Variants in TRPC7 observed in about 807,000 individuals in gnomAD.
TRPC7 encodes short transient receptor potential channel 7.
TRPC7 carries 42 observed loss-of-function variants against 90.1 expected under a neutral mutation model. The ratio of observed to expected loss-of-function variants is 0.47; its 90% CI spans 0.36 to 0.60. The LOEUF is 0.60. TRPC7 is among the 20% of genes least tolerant of loss of function. The probability of loss-of-function intolerance (pLI) is 0.00; values close to 1 mark genes in which losing one functional copy is unlikely to be tolerated. For missense variants in TRPC7, 955 were observed against 1,112.3 expected (o/e 0.86, Z 2.01); for synonymous variants, 451 against 436.3 (o/e 1.03, Z -0.42).
At chr5:136,255,343 T>C (rs1203278994) in intron 5 of TRPC7, among the ~76,000 whole-genome samples, 3 of 152,220 alleles carry the variant, frequency 2.0e-5, no homozygotes, top group African/African-American at 7.2e-5. Flanking sequence ...ACGGCCACTT[T>C]AACCTTCAAC....
intron 3 of TRPC7, among the ~76,000 whole-genome samples, chr5:136,283,836 C>A (rs1757624894): frequency 6.6e-6 from 1 of 152,196 alleles, no homozygotes. Context: ...AGTTCTTTTT[C>A]ATGTGATTCT....
intron 5 of TRPC7, among the ~76,000 whole-genome samples, chr5:136,262,661 G>A (rs1327204794): frequency 6.6e-6 from 1 of 152,100 alleles, no homozygotes. Flanking sequence ...TCTGATTTCT[G>A]TTACTAGCCA....
chr5:136,302,352 C>T (rs189429340), intron 3 of TRPC7, among the ~76,000 whole-genome samples: 47 of 152,266 alleles, frequency 3.1e-4, no homozygotes, highest in African/African-American at 8.4e-4. Context: ...GGGCAAGTCC[C>T]GCTTTTCTGG....
At chr5:136,250,349 A>G (rs1756480844) in intron 6 of TRPC7, among the ~76,000 whole-genome samples, 1 of 152,202 alleles carries the variant, frequency 6.6e-6, no homozygotes, top group Non-Finnish European at 1.5e-5. Flanking sequence ...CCACAGAATC[A>G]TTGTTGTATC....
chr5:136,312,495 CA>C (rs977650060), intron 3 of TRPC7, among the ~76,000 whole-genome samples: 2 of 150,746 alleles, frequency 1.3e-5, no homozygotes, highest in African/African-American at 2.4e-5. Flanking sequence ...CACACACACA[CA>C]AAAAAAAACC....
chr5:136,324,881 T>G (rs1759299591), intron 2 of TRPC7, among the ~76,000 whole-genome samples: 1 of 152,204 alleles, frequency 6.6e-6, no homozygotes, highest in Non-Finnish European at 1.5e-5. Flanking sequence ...TTAATGGAGA[T>G]CTTAGAAATT....
intron 3 of TRPC7, among the ~76,000 whole-genome samples, chr5:136,312,581 A>T (rs1048904310): frequency 3.3e-5 from 5 of 152,230 alleles, no homozygotes; most frequent in Non-Finnish European, 5.9e-5. Flanking sequence ...GACTTGCCCA[A>T]GACCACAGGG....
intron 7 of TRPC7, among the ~76,000 whole-genome samples, chr5:136,241,338 A>G (rs1756155957): frequency 6.6e-6 from 1 of 152,258 alleles, no homozygotes; most frequent in African/African-American, 2.4e-5. Context: ...GGCTGAGATG[A>G]TCTTTTGAGA....
At chr5:136,351,753 C>G (rs1192968970) in intron 2 of TRPC7, among the ~76,000 whole-genome samples, 1 of 152,184 alleles carries the variant, frequency 6.6e-6, no homozygotes, top group Non-Finnish European at 1.5e-5. Flanking sequence ...GATATCATAG[C>G]AGGTGGCAAA....
At chr5:136,258,642 G>A (rs930481549) in intron 5 of TRPC7, among the ~76,000 whole-genome samples, 2 of 152,222 alleles carry the variant, frequency 1.3e-5, no homozygotes, top group Non-Finnish European at 1.5e-5. Context: ...GCTTCTTATA[G>A]GCAGGTTCTG....
chr5:136,256,749 T>G (rs1285230691), intron 5 of TRPC7, among the ~76,000 whole-genome samples: 1 of 152,218 alleles, frequency 6.6e-6, no homozygotes, highest in Admixed American at 6.5e-5. Context: ...CAAGATAAAG[T>G]CTAGACTCCA....
At chr5:136,357,984 C>T (rs113341560) in intron 1 of TRPC7, among the ~76,000 whole-genome samples, 2,964 of 152,298 alleles carry the variant, frequency 0.019, 45 homozygotes, top group Middle Eastern at 0.079. Context: ...GATGTCTCCC[C>T]CTGAATGAGC....
At chr5:136,329,718 C>T (rs1471371264) in intron 2 of TRPC7, among the ~76,000 whole-genome samples, 1 of 152,134 alleles carries the variant, frequency 6.6e-6, no homozygotes, top group Non-Finnish European at 1.5e-5. Flanking sequence ...ATGTATTTCT[C>T]ATAAATAGGC....
Position 136,322,382 on chromosome 5 carries a change from G to A in TRPC7, c.781-6603C>T, listed in dbSNP as rs553399804. Among the ~76,000 whole-genome samples, 342 of 152,224 alleles carry A rather than the reference G, an allele frequency of 2.2e-3. 2 individuals carry two copies. Among genetic ancestry groups the A allele is most frequent in the African/African-American group, 7.5e-3 (311 of 41,534 alleles). ...TTCTTTAGGGTAAATGCCTAGGAGC[G>A]GGATTGCTGAATATACAGTAAATGC... On this transcript the variant is annotated intron_variant, in intron 2 of 11. Coordinates refer to ENST00000513104, the MANE Select transcript of TRPC7 (RefSeq NM_020389.3).
chr5:136,221,624 G>T (rs1755463803), intron 10 of TRPC7, among the ~76,000 whole-genome samples: 1 of 152,204 alleles, frequency 6.6e-6, no homozygotes, highest in South Asian at 2.1e-4. Flanking sequence ...GGTCACCTAG[G>T]AAAACAGAAA....
intron 3 of TRPC7, among the ~76,000 whole-genome samples, chr5:136,277,497 A>G (rs1232946605): frequency 7.9e-5 from 12 of 152,076 alleles, no homozygotes; most frequent in Non-Finnish European, 1.5e-4. Flanking sequence ...ATGTGTATCA[A>G]AAGATTTTTT....
intron 3 of TRPC7, among the ~76,000 whole-genome samples, chr5:136,307,507 C>G (rs536196473): frequency 6.6e-6 from 1 of 152,254 alleles, no homozygotes; most frequent in Admixed American, 6.5e-5. Flanking sequence ...CAATACAACA[C>G]ATCCTTGGAT....
At chr5:136,219,809 C>T (rs1157631137) in intron 10 of TRPC7, among the ~76,000 whole-genome samples, 2 of 152,198 alleles carry the variant, frequency 1.3e-5, no homozygotes, top group Non-Finnish European at 2.9e-5. Context: ...CCTAACTTCC[C>T]TTCTGTTATG....
intron 2 of TRPC7, among the ~76,000 whole-genome samples, chr5:136,329,003 C>T (rs909642584): frequency 9.2e-5 from 14 of 152,216 alleles, no homozygotes; most frequent in Admixed American, 1.3e-4. Context: ...CAGGTCACTG[C>T]GCACCACCTT....
Sources: allele counts gnomAD v4.1 joint callset (sites outside exome capture counted in the v4.1 genomes callset), GRCh38; gene constraint gnomAD v4.1.1; transcripts MANE v1.5; gene names NCBI Gene and HGNC (gene_info 2026-07-23, HGNC 2026-07-21).